The following PARD3B variants were observed in gnomAD, a reference collection of about 807,000 sequenced individuals.
The protein encoded by PARD3B is par-3 family cell polarity regulator beta, also known as partitioning defective 3 homolog B.
PARD3B carries 103 observed loss-of-function variants against 130.2 expected under a neutral mutation model. That is an observed-to-expected ratio of 0.79 (90% CI 0.67 to 0.93). The LOEUF (loss-of-function observed/expected upper bound fraction) is 0.93, where lower values mean the gene tolerates loss of function less well. PARD3B is among the 40% of genes least tolerant of loss of function. The pLI, the probability that PARD3B is intolerant of heterozygous loss-of-function variation, is 0.00. For synonymous variants in PARD3B, 583 were observed against 553.2 expected (o/e 1.05, Z -0.76); for missense variants, 1,609 against 1,499.2 (o/e 1.07, Z -1.21).
rs2106181701 is a variant in PARD3B at position 205,446,958 on chromosome 2, T to G, written c.3044+6286T>G. The stretch of plus-strand genomic sequence containing the variant: ...CACACAGCACAAATGCAGTTTTGCA[T>G]TAGTTTGTGTGACAATTTGACATTC... On this transcript the variant is annotated intron_variant, in intron 20 of 22. Transcript: ENST00000406610. The surrounding 1 kb of genome is among the most constrained non-coding windows in gnomAD (Gnocchi z 4.4). Among the ~76,000 whole-genome samples the G allele has an allele frequency of 6.6e-6, 1 of 152,298 alleles. No homozygotes were observed. Among genetic ancestry groups the G allele is most frequent in the East Asian group, 1.9e-4 (1 of 5,176 alleles).
At chr2:205,129,816 A>G (rs760205523) in intron 10 of PARD3B, among the ~76,000 whole-genome samples, 1 of 152,154 alleles carries the variant, frequency 6.6e-6, no homozygotes, top group African/African-American at 2.4e-5. Context: ...GGAAGTCCCA[A>G]TATAGAATTG....
At chr2:204,945,192 G>A (rs1689217428) in intron 2 of PARD3B, among the ~76,000 whole-genome samples, 1 of 152,162 alleles carries the variant, frequency 6.6e-6, no homozygotes, top group African/African-American at 2.4e-5. Context: ...CAAGGCCATC[G>A]AGCAAGGAGA....
intron 18 of PARD3B, among the ~76,000 whole-genome samples, chr2:205,310,781 T>C (rs2042358405): frequency 7.4e-6 from 1 of 134,304 alleles, no homozygotes; most frequent in African/African-American, 2.8e-5. Context: ...TGGAGTGCAG[T>C]GGTGTGATCA....
chr2:205,578,172 G>T (rs1373917802), intron 22 of PARD3B, among the ~76,000 whole-genome samples: 1 of 152,144 alleles, frequency 6.6e-6, no homozygotes. Flanking sequence ...CCCAGGAATT[G>T]ATTTCCCCAC....
At chr2:205,094,714 G>C (rs761187540) in intron 4 of PARD3B, among the ~76,000 whole-genome samples, 20 of 152,146 alleles carry the variant, frequency 1.3e-4, no homozygotes, top group Non-Finnish European at 2.2e-4. Flanking sequence ...TGAAATGCCT[G>C]TGCAAAAATA....
chr2:204,834,105 C>T (rs1455738563), intron 2 of PARD3B, among the ~76,000 whole-genome samples: 2 of 152,164 alleles, frequency 1.3e-5, no homozygotes, highest in Non-Finnish European at 2.9e-5. Context: ...ACTACCTTGG[C>T]ATTTCTTGAC....
chr2:205,072,975 A>G (rs1470477663), intron 4 of PARD3B, among the ~76,000 whole-genome samples: 1 of 152,202 alleles, frequency 6.6e-6, no homozygotes, highest in Non-Finnish European at 1.5e-5. Context: ...ATTAAATTTC[A>G]GAGGGATTAA....
At chr2:204,646,646 T>C (rs1179618505) in intron 1 of PARD3B, among the ~76,000 whole-genome samples, 1 of 152,036 alleles carries the variant, frequency 6.6e-6, no homozygotes, top group African/African-American at 2.4e-5. Flanking sequence ...GATGAGTGGA[T>C]CATAGGGTTA....
intron 22 of PARD3B, among the ~76,000 whole-genome samples, chr2:205,581,164 C>A (rs2053949087): frequency 6.7e-6 from 1 of 149,994 alleles, no homozygotes; most frequent in Non-Finnish European, 1.5e-5. Flanking sequence ...TTCACAATAG[C>A]CAAGATTTGG....
At position 205,590,119 on chromosome 2, in the gene PARD3B, C is replaced by T. The variant is rs1359056530; in HGVS notation, c.3261-25337C>T. Among the ~76,000 whole-genome samples the T allele has an allele frequency of 6.6e-6, 1 of 152,164 alleles. No homozygotes were observed. The highest frequency in any genetic ancestry group is 1.5e-5 in the Non-Finnish European group (1 of 68,040). On this transcript the variant is annotated intron_variant, in intron 22 of 22. Transcript: ENST00000406610. This position sits in a 1 kb window ranked among gnomAD's most constrained non-coding sequence, Gnocchi z 4.1. ...AATGTACACATGGACAATAGGTAAA[C>T]ATTATTGTTCTCTCTACATATTATT... is the stretch of plus-strand genomic sequence containing the variant.
intron 1 of PARD3B, among the ~76,000 whole-genome samples, chr2:204,574,388 C>G (rs928516893): frequency 6.6e-6 from 1 of 152,050 alleles, no homozygotes; most frequent in Non-Finnish European, 1.5e-5. Context: ...ATATTTTTAG[C>G]TCTCTGGTTT....
rs1559113404 is a variant in PARD3B at position 205,458,364 on chromosome 2, T to C, written c.3044+17692T>C. Reference sequence around the variant, plus strand: ...TCTGGGATCCAATAAAGCAAAAATATTTGACCTTTCTGTACATGCGTCTTG... The same window carrying C: ...TCTGGGATCCAATAAAGCAAAAATACTTGACCTTTCTGTACATGCGTCTTG... On this transcript the variant is annotated intron_variant, in intron 20 of 22. Coordinates refer to ENST00000406610, the MANE Select transcript of PARD3B (RefSeq NM_001302769.2). This position sits in a 1 kb window ranked among gnomAD's most constrained non-coding sequence, Gnocchi z 4.8. Among the ~76,000 whole-genome samples, 1 of 152,058 alleles carries C rather than the reference T, an allele frequency of 6.6e-6. No individual in the cohort carries two copies. Among genetic ancestry groups the C allele is most frequent in the Non-Finnish European group, 1.5e-5 (1 of 68,016 alleles).
chr2:205,461,259 C>T lies in PARD3B; in HGVS notation c.3044+20587C>T, dbSNP rs2048443701. On this transcript the variant is annotated intron_variant, in intron 20 of 22. Coordinates refer to ENST00000406610, the MANE Select transcript of PARD3B (RefSeq NM_001302769.2). The surrounding 1 kb of genome is among the most constrained non-coding windows in gnomAD (Gnocchi z 4.3). The stretch of plus-strand genomic sequence containing the variant: ...GGTGCTGAAAGAGGCATGAAAGGCA[C>T]TCTGGGCAGAGGAGCAGCATGGGGG... Among the ~76,000 whole-genome samples, 1 of 152,106 alleles carries T rather than the reference C, an allele frequency of 6.6e-6. No individual in the cohort carries two copies. The highest frequency in any genetic ancestry group is 1.5e-5 in the Non-Finnish European group (1 of 68,032).
chr2:205,573,105 A>G (rs2053616671), intron 22 of PARD3B, among the ~76,000 whole-genome samples: 1 of 152,184 alleles, frequency 6.6e-6, no homozygotes, highest in Non-Finnish European at 1.5e-5. Context: ...TCACAAGAAC[A>G]GCACGGAGGT....
intron 18 of PARD3B, among the ~76,000 whole-genome samples, chr2:205,330,545 T>TGTGTG: frequency 6.6e-6 from 1 of 152,324 alleles, no homozygotes; most frequent in South Asian, 2.1e-4. Flanking sequence ...AAGCCCATCC[T>TGTGTG]GTGTGTTTTC....
chr2:204,764,712 A>ATGTGTGTGTGTG lies in PARD3B; in HGVS notation c.222+78432_222+78433insTGTGTGTGTGTG, dbSNP rs1387737555. ...GACCAGCAGGCTGAATCTGGCATGC[A>ATGTGTGTGTGTG]TGCGTGTGTGTGTGTGTGTGTGTGT... On this transcript the variant is annotated intron_variant, in intron 2 of 22. Coordinates refer to ENST00000406610, the MANE Select transcript of PARD3B (RefSeq NM_001302769.2). 2.5e-3 allele frequency among the ~76,000 whole-genome samples: 106 copies of ATGTGTGTGTGTG among 43,076 alleles called. 1 individual carries two copies. Among genetic ancestry groups the ATGTGTGTGTGTG allele is most frequent in the African/African-American group, 5.9e-3 (100 of 17,076 alleles). 28.3% of individuals were successfully genotyped at this position (43,076 alleles called of 152,430 possible).
chr2:205,260,774 G>A (rs1180719470), intron 16 of PARD3B, among the ~76,000 whole-genome samples: 1 of 152,020 alleles, frequency 6.6e-6, no homozygotes, highest in African/African-American at 2.4e-5. Flanking sequence ...CCTATCTAGA[G>A]CCAGAGATGA....
intron 22 of PARD3B, among the ~76,000 whole-genome samples, chr2:205,595,463 A>T (rs570835714): frequency 2.0e-5 from 3 of 152,320 alleles, no homozygotes; most frequent in Non-Finnish European, 4.4e-5. Flanking sequence ...TAGACGACTC[A>T]TACTTGTAAA....
intron 2 of PARD3B, among the ~76,000 whole-genome samples, chr2:204,954,119 C>T (rs1690036673): frequency 6.6e-6 from 1 of 152,080 alleles, no homozygotes; most frequent in Admixed American, 6.6e-5. Flanking sequence ...AAGTCAGCAC[C>T]CATCCCAGCA....
Sources: gnomAD v4.1 joint callset for allele counts (sites outside exome capture counted in the v4.1 genomes callset) on GRCh38, gnomAD v4.1.1 for gene constraint, Gnocchi (gnomAD v3.1) non-coding constraint, MANE v1.5 for transcripts, NCBI Gene and HGNC (gene_info 2026-07-23, HGNC 2026-07-21) for gene names.